The following MEST variants were observed in gnomAD, a reference collection of about 807,000 sequenced individuals.
MEST encodes the protein mesoderm-specific transcript homolog protein.
In MEST, 18 loss-of-function variants were observed where a neutral mutation model predicts 50.9. The ratio of observed to expected loss-of-function variants is 0.35; its 90% CI spans 0.24 to 0.52. The LOEUF (loss-of-function observed/expected upper bound fraction) is 0.52, where lower values mean the gene tolerates loss of function less well. Among genes scored for constraint, MEST ranks in the 20% least tolerant of loss-of-function variants. The pLI, the probability that MEST is intolerant of heterozygous loss-of-function variation, is 0.94. For synonymous variants in MEST, 130 were observed against 154.1 expected (o/e 0.84, Z 1.16); for missense variants, 282 against 425.3 (o/e 0.66, Z 2.96).
rs927554799 is a variant in MEST, at chr7:130,503,315, G to A, written c.826+595G>A. Among the ~76,000 whole-genome samples the A allele has an allele frequency of 9.3e-4, 141 of 152,216 alleles. 1 individual carries two copies. The highest frequency in any genetic ancestry group is 3.8e-4 in the Non-Finnish European group (26 of 68,046). Reference sequence around the variant, plus strand: ...CTGAAGAGAGACTTAAAGAATGATAGTATCCTGGACTTAGAGGATGTTGAA... The same window carrying A: ...CTGAAGAGAGACTTAAAGAATGATAATATCCTGGACTTAGAGGATGTTGAA... On this transcript the variant is annotated intron_variant, in intron 10 of 11. Coordinates refer to ENST00000223215, the MANE Select transcript of MEST (RefSeq NM_002402.4).
chr7:130,498,084 A>C, intron 4 of MEST, 55 bp from the exon 5 acceptor site: 1 of 1,613,972 alleles, frequency 6.2e-7, no homozygotes, highest in Non-Finnish European at 8.5e-7. Context: ...TCAGGCTGGC[A>C]GAGAGAGCTG....
chr7:130,489,944 A>T (rs1370679567), upstream of MEST: 1 of 152,104 alleles, frequency 6.6e-6, no homozygotes, highest in African/African-American at 2.4e-5. Context: ...AATTGCCTTC[A>T]TCTTGGATGC....
intron 9 of MEST, 133 bp from the exon 10 acceptor site, chr7:130,502,511 C>T (rs1799312349): frequency 6.1e-6 from 4 of 653,272 alleles, no homozygotes; most frequent in Non-Finnish European, 1.1e-5. Context: ...TTAAGTGGGA[C>T]ATTTCCAGGA....
At position 130,498,127 on chromosome 7, in the gene MEST, T is replaced by C; in HGVS notation, c.340-12T>C. On this transcript the variant is annotated splice_polypyrimidine_tract_variant and intron_variant, in intron 4 of 11. Transcript: ENST00000223215. ...GACTTCATCCTGTGTATGTGGGCTT[T>C]CCTTTCCTCAGAGACCACATCACTA... 2 of 1,614,152 alleles carry C rather than the reference T, an allele frequency of 1.2e-6. No individual in the cohort carries two copies. Among genetic ancestry groups the C allele is most frequent in the Non-Finnish European group, 1.7e-6 (2 of 1,180,038 alleles).
chr7:130,497,788 A>T lies in MEST; in HGVS notation c.262-148A>T. On this transcript the variant is annotated intron_variant, in intron 3 of 11. Transcript: ENST00000223215. This position sits in a 1 kb window ranked among gnomAD's most constrained non-coding sequence, Gnocchi z 4.0. ...GAATAAAGCATTTTCCAAGAGGATC[A>T]TCTGTGGGACCTGTGGTAGTTTCAT... 1.4e-6 allele frequency: 1 copy of T among 714,658 alleles called. No individual in the cohort carries two copies. Among genetic ancestry groups the T allele is most frequent in the Non-Finnish European group, 2.5e-6 (1 of 401,376 alleles). 44.3% of individuals were successfully genotyped at this position (714,658 alleles called of 1,614,324 possible). A position where few individuals can be genotyped will look rare whatever the true frequency, so the allele number is the denominator to read the frequency against.
rs996465447 is a variant in MEST at position 130,492,995 on chromosome 7, C to T, written c.26+656C>T. 4.1e-4 allele frequency among the ~76,000 whole-genome samples: 62 copies of T among 152,170 alleles called. No individual in the cohort carries two copies. Among genetic ancestry groups the T allele is most frequent in the Middle Eastern group, 3.4e-3 (1 of 294 alleles). On this transcript the variant is annotated intron_variant, in intron 1 of 11. Transcript: ENST00000223215. The surrounding 1 kb of genome is among the most constrained non-coding windows in gnomAD (Gnocchi z 7.6). ...TTTTAGAACCCCGGTGTCTCCGTGG[C>T]GCACCTTAGGATTTCAAGAACGGGA...
chr7:130,497,923 TTC>T lies in MEST; in HGVS notation c.262-11_262-10del, dbSNP rs782646075. On this transcript the variant is annotated splice_polypyrimidine_tract_variant and intron_variant, in intron 3 of 11. Transcript: ENST00000223215. The surrounding 1 kb of genome is among the most constrained non-coding windows in gnomAD (Gnocchi z 4.0). ...AGGAGCAGAAAGCCCAAATCATCGT[TTC>T]TTTCTTGTAGATTTGGGAAGGTCTG... 6.2e-7 allele frequency: 1 copy of T among 1,613,796 alleles called. No individual in the cohort carries two copies. Among genetic ancestry groups the T allele is most frequent in the South Asian group, 1.1e-5 (1 of 91,068 alleles).
At chr7:130,491,380 A>C (rs374639127), upstream of MEST, 9 of 152,438 alleles carry the variant, frequency 5.9e-5, no homozygotes, top group East Asian at 1.4e-3. This position sits in a 1 kb window ranked among gnomAD's most constrained non-coding sequence, Gnocchi z 6.8. Flanking sequence ...GCGCTGCTGT[A>C]AAGGAAACCT....
rs1799466005 is a variant in MEST at position 130,506,038 on chromosome 7, C to T, written c.*982C>T. On this transcript the variant is annotated 3_prime_UTR_variant, in exon 12 of 12. Transcript: ENST00000223215. ...CACTGCCTGTCCCAGAGAGGCTTTC[C>T]AATGTAGCTCAGTAATTCCTGTTAC... is the stretch of plus-strand genomic sequence containing the variant. 6.6e-6 allele frequency: 1 copy of T among 152,588 alleles called. No individual in the cohort carries two copies. Among genetic ancestry groups the T allele is most frequent in the South Asian group, 2.1e-4 (1 of 4,820 alleles). The allele number at this position is 152,588 out of a possible 1,614,324, so 9.5% of individuals were successfully genotyped here. A position where few individuals can be genotyped will look rare whatever the true frequency, so the allele number is the denominator to read the frequency against.
rs782732687 is a variant in MEST, at chr7:130,492,358, C to T, written c.26+19C>T. ...TCCGCAGGTGAGTGTGCGGTGGGAA[C>T]GAGGGGGTGTGGCTGGCGGCCCTGG... On this transcript the variant is annotated intron_variant, in intron 1 of 11. Transcript: ENST00000223215. This position sits in a 1 kb window ranked among gnomAD's most constrained non-coding sequence, Gnocchi z 7.6. 6 of 1,307,126 alleles carry T rather than the reference C, an allele frequency of 4.6e-6. No individual in the cohort carries two copies. Among genetic ancestry groups the T allele is most frequent in the Non-Finnish European group, 5.9e-6 (6 of 1,022,284 alleles). The allele number at this position is 1,307,126 out of a possible 1,614,324, so 81.0% of individuals were successfully genotyped here. A position where few individuals can be genotyped will look rare whatever the true frequency, so the allele number is the denominator to read the frequency against.
rs1684403409 is a variant in MEST at position 130,500,499 on chromosome 7, C to A, written c.614C>A (p.Thr205Lys). 10 of 1,613,890 alleles carry A rather than the reference C, an allele frequency of 6.2e-6. No individual in the cohort carries two copies. The highest frequency in any genetic ancestry group is 8.5e-6 in the Non-Finnish European group (10 of 1,179,934). ...KDGGVLSPIL[T>K]RLMNFFVFSR... Reference sequence around the variant, plus strand: ...GGAGGTGTGCTGTCACCCATCCTCACACGACTGATGAACTTCTTTGTATTC... The same window carrying A: ...GGAGGTGTGCTGTCACCCATCCTCAAACGACTGATGAACTTCTTTGTATTC... Residue 205 changes from threonine to lysine, a missense_variant, in exon 8 of 12, where the codon ACA becomes AAA. Physicochemically the swap from Thr to Lys is moderately conservative, Grantham distance 78. Coordinates refer to ENST00000223215, the MANE Select transcript of MEST (RefSeq NM_002402.4). This position sits in a 1 kb window ranked among gnomAD's most constrained non-coding sequence, Gnocchi z 5.0.
At position 130,492,509 on chromosome 7, in the gene MEST, C is replaced by CG; in HGVS notation, c.26+170_26+171insG. 1 of 446,940 alleles carries CG rather than the reference C, an allele frequency of 2.2e-6. No homozygotes were observed. Among genetic ancestry groups the CG allele is most frequent in the East Asian group, 3.6e-5 (1 of 27,404 alleles). 27.7% of individuals were successfully genotyped at this position (446,940 alleles called of 1,614,324 possible). A position where few individuals can be genotyped will look rare whatever the true frequency, so the allele number is the denominator to read the frequency against. On this transcript the variant is annotated intron_variant, in intron 1 of 11. Transcript: ENST00000223215. This position sits in a 1 kb window ranked among gnomAD's most constrained non-coding sequence, Gnocchi z 7.6. ...CTCTGCCTACTTGAGGAGGGGGTGT[C>CG]ACTCCTGCCCGCAATGGAATGTTCA...
At chr7:130,498,878 T>C (rs1393380440) in intron 6 of MEST, 2 of 198,388 alleles carry the variant, frequency 1.0e-5, no homozygotes, top group South Asian at 1.2e-4. Flanking sequence ...GAGTGTAGGA[T>C]TGAAGATACA....
Position 130,495,374 on chromosome 7 carries a change from G to A in MEST, c.33G>A (p.Arg11=). ...GTCTCTGCTTTTCCTACAGGATGAG[G>A]GAGTGGTGGGTCCAGGTGGGGCTGC... is the stretch of plus-strand genomic sequence containing the variant. MVRRDRLRRM[R]EWWVQVGLLA... is the part of the protein sequence containing the mutation. Residue 11 remains arginine, a synonymous_variant, in exon 2 of 12, where the codon AGG becomes AGA. Transcript: ENST00000223215. The A allele has an allele frequency of 6.2e-7, 1 of 1,609,194 alleles. No homozygotes were observed. Among genetic ancestry groups the A allele is most frequent in the Non-Finnish European group, 8.5e-7 (1 of 1,177,382 alleles).
upstream of MEST, chr7:130,490,829 T>A (rs1798778008): frequency 6.6e-6 from 1 of 152,276 alleles, no homozygotes; most frequent in Non-Finnish European, 1.5e-5. Context: ...ACCAGACCCC[T>A]GCAGAAGTGT....
chr7:130,492,370 G>A lies in MEST; in HGVS notation c.26+31G>A. 7.7e-7 allele frequency: 1 copy of A among 1,294,820 alleles called. No homozygotes were observed. Among genetic ancestry groups the A allele is most frequent in the South Asian group, 2.8e-5 (1 of 36,106 alleles). The allele number at this position is 1,294,820 out of a possible 1,614,324, so 80.2% of individuals were successfully genotyped here. On this transcript the variant is annotated intron_variant, in intron 1 of 11. Coordinates refer to ENST00000223215, the MANE Select transcript of MEST (RefSeq NM_002402.4). The surrounding 1 kb of genome is among the most constrained non-coding windows in gnomAD (Gnocchi z 7.6). ...TGTGCGGTGGGAACGAGGGGGTGTG[G>A]CTGGCGGCCCTGGGACTAGGGCGCA...
intron 1 of MEST, chr7:130,493,182 C>T (rs1356737685): frequency 1.3e-5 from 2 of 152,166 alleles, no homozygotes; most frequent in East Asian, 3.9e-4. Context: ...GGCGATGTGA[C>T]CAAACTGTCA....
intron 10 of MEST, among the ~76,000 whole-genome samples, chr7:130,502,950 A>G (rs572189326): frequency 6.6e-6 from 1 of 152,308 alleles, no homozygotes; most frequent in Admixed American, 6.5e-5. Flanking sequence ...CTGAAATTCA[A>G]ATTTTCTGGG....
Position 130,494,850 on chromosome 7 carries a change from TAA to T in MEST, c.27-517_27-516del, listed in dbSNP as rs1415119816. On this transcript the variant is annotated intron_variant, in intron 1 of 11. Transcript: ENST00000223215. ...TAGCTCTCTGCTTGAGGACATGTGA[TAA>T]GTTACTACACACACACACTCTTTAA... is the stretch of plus-strand genomic sequence containing the variant. 4.1e-6 allele frequency: 4 copies of T among 984,462 alleles called. No individual in the cohort carries two copies. The African/African-American group carries it at 5.2e-5, about 13-fold the overall frequency. The allele number at this position is 984,462 out of a possible 1,614,324, so 61.0% of individuals were successfully genotyped here.
Sources: gnomAD v4.1 joint callset for allele counts (sites outside exome capture counted in the v4.1 genomes callset) on GRCh38, gnomAD v4.1.1 for gene constraint, Gnocchi (gnomAD v3.1) non-coding constraint, MANE v1.5 for transcripts, NCBI Gene and HGNC (gene_info 2026-07-23, HGNC 2026-07-21) for gene names.